Variants in LLGL2 observed in about 807,000 individuals in gnomAD.
The protein encoded by LLGL2 is LLGL scribble cell polarity complex component 2, also known as LLGL2, scribble cell polarity complex component.
In LLGL2, 81 loss-of-function variants were observed where a neutral mutation model predicts 123.2. The ratio of observed to expected loss-of-function variants is 0.66; its 90% confidence interval spans 0.55 to 0.79. LLGL2 has a LOEUF of 0.79. Among genes scored for constraint, LLGL2 ranks in the 30% least tolerant of loss-of-function variants. The probability of loss-of-function intolerance (pLI) is 0.00; values close to 1 mark genes in which losing one functional copy is unlikely to be tolerated. For synonymous variants in LLGL2, 577 were observed against 594.1 expected (o/e 0.97, Z 0.42); for missense variants, 1,273 against 1,414.6 (o/e 0.90, Z 1.61).
intron 17 of LLGL2, chr17:75,571,457 CGT>C: frequency 1.7e-6 from 1 of 592,282 alleles, no homozygotes; most frequent in Non-Finnish European, 3.0e-6. Context: ...CTCCAGATGA[CGT>C]GTCTCTCCCT....
intron 25 of LLGL2, 54 bp from the exon 26 acceptor site, chr17:75,574,816 TG>T: frequency 1.2e-6 from 2 of 1,606,656 alleles, no homozygotes; most frequent in East Asian, 2.2e-5. Context: ...CGTGGGCGGC[TG>T]GGGCACCCCG....
intron 1 of LLGL2, among the ~76,000 whole-genome samples, chr17:75,532,055 T>TATACACACAC (rs1555648011): frequency 9.6e-5 from 9 of 93,768 alleles, no homozygotes; most frequent in Middle Eastern, 8.2e-3. Context: ...TATGTATATA[T>TATACACACAC]ACACACACAC....
chr17:75,545,844 G>A (rs189994887), intron 2 of LLGL2, among the ~76,000 whole-genome samples: 1 of 152,312 alleles, frequency 6.6e-6, no homozygotes, highest in East Asian at 1.9e-4. Flanking sequence ...GGATGGGAAC[G>A]AGGCATGAAT....
chr17:75,525,617 G>C (rs1377624786), upstream of LLGL2: 3 of 150,258 alleles, frequency 2.0e-5, no homozygotes, highest in Non-Finnish European at 3.0e-5. The surrounding 1 kb of genome is among the most constrained non-coding windows in gnomAD (Gnocchi z 4.8). Flanking sequence ...GCCGAGCTGG[G>C]GGGCGGGCCG....
intron 2 of LLGL2, among the ~76,000 whole-genome samples, chr17:75,553,537 G>A (rs2054771621): frequency 6.6e-6 from 1 of 152,184 alleles, no homozygotes; most frequent in African/African-American, 2.4e-5. Flanking sequence ...GCCTGGCAGG[G>A]CTGCAAAGTA....
In LLGL2 at chr17:75,544,862, A is replaced by G. The variant is rs1337812264; in HGVS notation, c.75+1361A>G. Among the ~76,000 whole-genome samples, 1 of 152,158 alleles carries G rather than the reference A, an allele frequency of 6.6e-6. No homozygotes were observed. Among genetic ancestry groups the G allele is most frequent in the African/African-American group, 2.4e-5 (1 of 41,434 alleles). On this transcript the variant is annotated intron_variant, in intron 2 of 25. Transcript: ENST00000392550. This position sits in a 1 kb window ranked among gnomAD's most constrained non-coding sequence, Gnocchi z 4.2. ...TCTGGAATTAGGGCTTTCCTATCCC[A>G]ACGTGCCTCCTGCCAGCTCGCTTTT...
chr17:75,557,716 G>A, intron 3 of LLGL2: 1 of 318,392 alleles, frequency 3.1e-6, no homozygotes. Flanking sequence ...GTTAATCATT[G>A]CCAGGCCACA....
At chr17:75,568,449 G>C in intron 10 of LLGL2, 27 bp from the exon 11 acceptor site, 1 of 1,605,930 alleles carries the variant, frequency 6.2e-7, no homozygotes, top group Non-Finnish European at 8.5e-7. Context: ...CCTGGCCCCG[G>C]CCCCTGACCC....
At chr17:75,531,028 T>G (rs1182243592) in intron 1 of LLGL2, among the ~76,000 whole-genome samples, 1 of 152,124 alleles carries the variant, frequency 6.6e-6, no homozygotes, top group Non-Finnish European at 1.5e-5. Context: ...GGATTAAACC[T>G]GCTGTGAGTT....
intron 10 of LLGL2, 68 bp from the exon 11 acceptor site, chr17:75,568,408 C>T (rs2055536999): frequency 6.5e-7 from 1 of 1,549,354 alleles, no homozygotes; most frequent in South Asian, 1.2e-5. Flanking sequence ...AACCCTGGAG[C>T]TTCTGATTCC....
chr17:75,559,746 G>A lies in LLGL2; in HGVS notation c.530+336G>A, dbSNP rs1447695653. On this transcript the variant is annotated intron_variant, in intron 6 of 25. Coordinates refer to ENST00000392550, the MANE Select transcript of LLGL2 (RefSeq NM_001031803.2). The surrounding 1 kb of genome is among the most constrained non-coding windows in gnomAD (Gnocchi z 4.6). Reference sequence around the variant, plus strand: ...CTCCGCAGCGGGGAAGTCGGGCCCAGACCTCCCTGTGTCACTGGGGCAGCT... The same window carrying A: ...CTCCGCAGCGGGGAAGTCGGGCCCAAACCTCCCTGTGTCACTGGGGCAGCT... Among the ~76,000 whole-genome samples the A allele has an allele frequency of 1.3e-5, 2 of 152,200 alleles. No individual in the cohort carries two copies. Among genetic ancestry groups the A allele is most frequent in the African/African-American group, 4.8e-5 (2 of 41,462 alleles).
chr17:75,563,949 C>T, intron 9 of LLGL2, 143 bp downstream of exon 9: 1 of 819,592 alleles, frequency 1.2e-6, no homozygotes, highest in Non-Finnish European at 2.0e-6. Context: ...GGAGGGGAGA[C>T]AGGGTAGACG....
rs1671037 is a variant in LLGL2 at position 75,555,955 on chromosome 17, C to T, written c.76-91C>T. 4.7e-3 allele frequency: 4,651 copies of T among 984,468 alleles called. 134 individuals carry two copies. In the African/African-American group the frequency reaches 0.063, roughly 13 times the overall value. The allele number at this position is 984,468 out of a possible 1,614,324, so 61.0% of individuals were successfully genotyped here. ...CGGAAAGGTACCGAAGCCCTGCTTC[C>T]TGCTGGGTCGTCTGGTGCTGCAGCT... On this transcript the variant is annotated intron_variant, in intron 2 of 25. Transcript: ENST00000392550.
rs1294062543 is a variant in LLGL2 at position 75,564,559 on chromosome 17, G to T, written c.1036+52G>T. 1.2e-6 allele frequency: 2 copies of T among 1,605,424 alleles called. No individual in the cohort carries two copies. Among genetic ancestry groups the T allele is most frequent in the Non-Finnish European group, 1.7e-6 (2 of 1,174,124 alleles). ...CAGGGTTAGGTGTGGGAGGCATGGG[G>T]CAGGACCATCAGTAAAGACAGGGCC... On this transcript the variant is annotated intron_variant, in intron 10 of 25. Coordinates refer to ENST00000392550, the MANE Select transcript of LLGL2 (RefSeq NM_001031803.2). This position sits in a 1 kb window ranked among gnomAD's most constrained non-coding sequence, Gnocchi z 4.9.
chr17:75,571,775 C>T lies in LLGL2; in HGVS notation c.2285C>T (p.Ala762Val), dbSNP rs771033746. The T allele has an allele frequency of 6.2e-7, 1 of 1,607,120 alleles. No individual in the cohort carries two copies. The highest frequency in any genetic ancestry group is 1.1e-5 in the South Asian group (1 of 91,068). ...AERRMDEPVR[A>V]EQAKEIQLMH... is the part of the protein sequence containing the mutation. The stretch of plus-strand genomic sequence containing the variant: ...CGGAGAATGGATGAGCCTGTGCGGG[C>T]AGAGCAGGGTGAGTGCTGGGCAGGG... The change falls in exon 18 of 26, where the codon GCA becomes GTA. Residue 762 changes from alanine to valine, a missense_variant. Ala to Val is a moderately conservative substitution (Grantham distance 64). Transcript: ENST00000392550.
At chr17:75,532,082 T>TACACACACAC (rs2053817635) in intron 1 of LLGL2, among the ~76,000 whole-genome samples, 1 of 30,830 alleles carries the variant, frequency 3.2e-5, no homozygotes, top group Admixed American at 2.1e-4. Context: ...ACACACTTTT[T>TACACACACAC]TTTTTTTTTT....
intron 1 of LLGL2, among the ~76,000 whole-genome samples, chr17:75,538,376 T>G (rs181680139): frequency 1.3e-5 from 2 of 152,260 alleles, no homozygotes; most frequent in Admixed American, 1.3e-4. Context: ...CTTGTCTTCA[T>G]CCTGAAACAT....
chr17:75,556,749 T>A (rs1287810815), intron 3 of LLGL2, among the ~76,000 whole-genome samples: 1 of 152,216 alleles, frequency 6.6e-6, no homozygotes, highest in Non-Finnish European at 1.5e-5. Context: ...TCGCTAGGGA[T>A]GTTTTTAATT....
chr17:75,555,576 G>A (rs993407564), intron 2 of LLGL2, among the ~76,000 whole-genome samples: 3 of 152,162 alleles, frequency 2.0e-5, no homozygotes, highest in African/African-American at 4.8e-5. Flanking sequence ...GAAGAGCCCA[G>A]AGCAGGGCAG....
Sources: gnomAD v4.1 joint callset for allele counts (sites outside exome capture counted in the v4.1 genomes callset) on GRCh38, gnomAD v4.1.1 for gene constraint, Gnocchi (gnomAD v3.1) non-coding constraint, MANE v1.5 for transcripts, NCBI Gene and HGNC (gene_info 2026-07-23, HGNC 2026-07-21) for gene names.